Variants in GPR161 observed in about 807,000 individuals in gnomAD.
GPR161 encodes G-protein coupled receptor RE2.
GPR161 carries 25 observed loss-of-function variants against 39.2 expected under a neutral mutation model. The observed-to-expected ratio is 0.64, with a 90% CI of 0.47 to 0.89. The LOEUF (loss-of-function observed/expected upper bound fraction) is 0.89. GPR161 is among the 40% of genes least tolerant of loss of function. The probability of loss-of-function intolerance (pLI) is 0.00; values close to 1 mark genes in which losing one functional copy is unlikely to be tolerated. For missense variants in GPR161, 547 were observed against 677.8 expected, an observed-to-expected ratio of 0.81 and a Z score of 2.14; for synonymous variants, 286 against 276.6, an observed-to-expected ratio of 1.03 and a Z score of -0.34.
chr1:168,107,245 C>G (rs1448555314), intron 1 of GPR161, among the ~76,000 whole-genome samples: 1 of 151,758 alleles, frequency 6.6e-6, no homozygotes, highest in Non-Finnish European at 1.5e-5. Flanking sequence ...CAGATGAAAA[C>G]CCAGAATAAA....
At chr1:168,110,339 A>G (rs192551157) in intron 1 of GPR161, among the ~76,000 whole-genome samples, 2 of 151,754 alleles carry the variant, frequency 1.3e-5, no homozygotes, top group Non-Finnish European at 1.5e-5. Flanking sequence ...CCTCATCTCT[A>G]CAGAAAATTA....
intron 1 of GPR161, among the ~76,000 whole-genome samples, chr1:168,120,674 G>T (rs1572363007): frequency 6.6e-6 from 1 of 152,248 alleles, no homozygotes; most frequent in South Asian, 2.1e-4. Context: ...CCTGGTGGGA[G>T]GCGATTGGAT....
In GPR161 at chr1:168,081,829, G is replaced by C. The variant is rs1423887599; in HGVS notation, c.*3702C>G. ...AAACAGGTCAGGCCCACAGAAGGCAGTCACATGCCAGCTCACTGCCTCCTC... is the reference window on the plus strand; with the variant it reads ...AAACAGGTCAGGCCCACAGAAGGCACTCACATGCCAGCTCACTGCCTCCTC... On this transcript the variant is annotated 3_prime_UTR_variant, in exon 6 of 6. Transcript: ENST00000682931. The C allele has an allele frequency of 6.6e-6, 1 of 152,470 alleles. No homozygotes were observed. The highest frequency in any genetic ancestry group is 2.4e-5 in the African/African-American group (1 of 41,466). The allele number at this position is 152,470 out of a possible 1,614,324, so 9.4% of individuals were successfully genotyped here. A position where few individuals can be genotyped will look rare whatever the true frequency, so the allele number is the denominator to read the frequency against.
chr1:168,116,639 C>G (rs894127803), intron 1 of GPR161, among the ~76,000 whole-genome samples: 3 of 152,226 alleles, frequency 2.0e-5, no homozygotes, highest in Non-Finnish European at 2.9e-5. Context: ...GTGTAAACAG[C>G]CAGGTGCAAA....
intron 1 of GPR161, 75 bp downstream of exon 1, chr1:168,136,664 A>G (rs1245085814): frequency 2.1e-5 from 25 of 1,178,130 alleles, no homozygotes; most frequent in Admixed American, 9.2e-5. Context: ...GCCTCGCACA[A>G]TGAGTTTAGC....
At position 168,084,938 on chromosome 1, in the gene GPR161, C is replaced by A; in HGVS notation, c.*593G>T. Reference sequence around the variant, plus strand: ...CCCTATTAGCACCAGCAGGTGGCGCCACTGAGGACCGCTCCGAAGCGCTCT... The same window carrying A: ...CCCTATTAGCACCAGCAGGTGGCGCAACTGAGGACCGCTCCGAAGCGCTCT... On this transcript the variant is annotated 3_prime_UTR_variant, in exon 6 of 6. Coordinates refer to ENST00000682931, the MANE Select transcript of GPR161 (RefSeq NM_001375883.1). 2.2e-6 allele frequency: 1 copy of A among 456,286 alleles called. No individual in the cohort carries two copies. The highest frequency in any genetic ancestry group is 1.5e-5 in the South Asian group (1 of 64,572). The allele number at this position is 456,286 out of a possible 1,614,324, so 28.3% of individuals were successfully genotyped here. A position where few individuals can be genotyped will look rare whatever the true frequency, so the allele number is the denominator to read the frequency against.
intron 1 of GPR161, among the ~76,000 whole-genome samples, chr1:168,125,454 A>G (rs984699324): frequency 6.6e-6 from 1 of 152,250 alleles, no homozygotes; most frequent in Non-Finnish European, 1.5e-5. Flanking sequence ...AGGCCAATAT[A>G]TAAGTGCAGA....
At chr1:168,124,799 C>G (rs1255632567) in intron 1 of GPR161, among the ~76,000 whole-genome samples, 1 of 152,182 alleles carries the variant, frequency 6.6e-6, no homozygotes, top group African/African-American at 2.4e-5. Flanking sequence ...GTAATAAGTT[C>G]TTGCTCTATG....
In GPR161 at chr1:168,124,096, C is replaced by T. The variant is rs540410909; in HGVS notation, c.-45+12643G>A. Among the ~76,000 whole-genome samples the T allele has an allele frequency of 5.1e-4, 78 of 152,344 alleles. 1 individual carries two copies. In the South Asian group the frequency reaches 0.016, roughly 30 times the overall value. Reference sequence around the variant, plus strand: ...CTGCTGGTAAGGATTGGTGCCACCACGTCTTCATCTGCCCATCTATCTCCT... The same window carrying T: ...CTGCTGGTAAGGATTGGTGCCACCATGTCTTCATCTGCCCATCTATCTCCT... On this transcript the variant is annotated intron_variant, in intron 1 of 5. Coordinates refer to ENST00000682931, the MANE Select transcript of GPR161 (RefSeq NM_001375883.1).
At chr1:168,104,979 G>C in intron 1 of GPR161, 85 bp from the exon 2 acceptor site, 1 of 1,040,102 alleles carries the variant, frequency 9.6e-7, no homozygotes, top group Non-Finnish European at 1.4e-6. Context: ...GGCTTAAAGG[G>C]GTTAAGTGCT....
chr1:168,137,501 G>A (rs552561223), upstream of GPR161: 38 of 1,034,116 alleles, frequency 3.7e-5, no homozygotes, highest in African/African-American at 5.2e-4. Context: ...CCCGGGGAGT[G>A]GGGAGTGGAC....
rs1156405640 is a variant in GPR161, at chr1:168,096,538, TG to T, written c.1068del (p.Arg357GlyfsTer49). The T allele has an allele frequency of 9.3e-6, 15 of 1,614,112 alleles. No homozygotes were observed. The highest frequency in any genetic ancestry group is 1.2e-5 in the Non-Finnish European group (14 of 1,179,994). ...ATCCTGTTGGAAATGCTGAAGAGCCTGGAAGTCCTCTGTCGTTGCACAAATG... is the reference window on the plus strand; with the variant it reads ...ATCCTGTTGGAAATGCTGAAGAGCCTGAAGTCCTCTGTCGTTGCACAAATG... Reference protein sequence around the residue: ...REPFVQRQRTSRLFSISNRIT... With the variant: ...REPFVQRQRTXRLFSISNRIT... On this transcript the variant is annotated frameshift_variant, in exon 3 of 6. Coordinates refer to ENST00000682931, the MANE Select transcript of GPR161 (RefSeq NM_001375883.1). LOFTEE classifies it high-confidence loss of function.
At chr1:168,132,974 A>G (rs1293168768) in intron 1 of GPR161, among the ~76,000 whole-genome samples, 1 of 152,052 alleles carries the variant, frequency 6.6e-6, no homozygotes, top group African/African-American at 2.4e-5. Context: ...CGAACTCCTG[A>G]CCTCAGATGA....
chr1:168,087,163 G>A (rs182924988), intron 5 of GPR161, among the ~76,000 whole-genome samples: 76 of 152,334 alleles, frequency 5.0e-4, no homozygotes, highest in African/African-American at 1.7e-3. Context: ...GGCCATCACC[G>A]CTGTAGGAGC....
chr1:168,137,439 G>C, upstream of GPR161: 1 of 1,512,448 alleles, frequency 6.6e-7, no homozygotes, highest in Non-Finnish European at 8.9e-7. Flanking sequence ...CCTTCTGCCA[G>C]GCTCTGTCCC....
intron 1 of GPR161, among the ~76,000 whole-genome samples, chr1:168,108,917 T>C (rs1696884839): frequency 6.6e-6 from 1 of 152,194 alleles, no homozygotes; most frequent in Non-Finnish European, 1.5e-5. Flanking sequence ...ACCACGCTTA[T>C]GTTGGGAACC....
At chr1:168,136,304 ACCCTTTGC>A in intron 1 of GPR161, 1 of 1,476,246 alleles carries the variant, frequency 6.8e-7, no homozygotes, top group Non-Finnish European at 9.0e-7. Flanking sequence ...TTCTCCCCAC[ACCCTTTGC>A]CCTGAGCGGG....
chr1:168,137,208 C>G (rs993325594), upstream of GPR161: 7 of 1,445,460 alleles, frequency 4.8e-6, no homozygotes, highest in African/African-American at 1.4e-5. Context: ...CTTTGTGGTG[C>G]CTAACTCAGG....
chr1:168,114,970 T>A (rs770325804), intron 1 of GPR161, among the ~76,000 whole-genome samples: 5 of 152,192 alleles, frequency 3.3e-5, no homozygotes, highest in Non-Finnish European at 1.5e-5. Context: ...GATGCTCACA[T>A]GACCCTAGGT....
Sources: allele counts gnomAD v4.1 joint callset (sites outside exome capture counted in the v4.1 genomes callset), GRCh38; gene constraint gnomAD v4.1.1; transcripts MANE v1.5; gene names NCBI Gene and HGNC (gene_info 2026-07-23, HGNC 2026-07-21).